Variants in CALN1 observed in about 807,000 individuals in gnomAD.
The protein encoded by CALN1 is calcium-binding protein 8.
Under a neutral mutation model 30.6 loss-of-function variants are expected in CALN1, and 17 were observed. That is an observed-to-expected ratio of 0.56 (90% confidence interval 0.38 to 0.83). The LOEUF (loss-of-function observed/expected upper bound fraction) is 0.83, where lower values mean the gene tolerates loss of function less well. Ranked by LOEUF, CALN1 falls within the 40% of genes least tolerant of loss-of-function variation. CALN1 has a pLI of 0.00. For missense variants in CALN1, 291 were observed against 354.9 expected, an observed-to-expected ratio of 0.82 and a Z score of 1.45; for synonymous variants, 156 against 131.4, an observed-to-expected ratio of 1.19 and a Z score of -1.28.
the CALN1 span, among the ~76,000 whole-genome samples, chr7:72,501,895 C>T: frequency 1.4e-3 from 141 of 98,546 alleles, no homozygotes; most frequent in Admixed American, 2.4e-3. Flanking sequence ...GGCAACAGAG[C>T]GAGATTTCGT....
rs1795344621 is a variant in CALN1, at chr7:71,927,846, T to C, written c.501+95811A>G. Among the ~76,000 whole-genome samples, 5 of 152,302 alleles carry C rather than the reference T, an allele frequency of 3.3e-5. No individual in the cohort carries two copies. In the South Asian group the frequency reaches 1.0e-3, roughly 32 times the overall value. ...TGTAGCAGCCAAATGATGTCTTGAA[T>C]CTTTGGTGGCCCTTGTGAACGGGAG... On this transcript the variant is annotated intron_variant, in intron 5 of 6. Coordinates refer to ENST00000395275, the MANE Select transcript of CALN1 (RefSeq NM_031468.4).
chr7:72,501,882 C>A, the CALN1 span, among the ~76,000 whole-genome samples: 3 of 123,666 alleles, frequency 2.4e-5, no homozygotes, highest in South Asian at 7.8e-4. Flanking sequence ...GCACTCCAGC[C>A]TGGGCAACAG....
chr7:72,067,746 C>G lies in CALN1; in HGVS notation c.388+38405G>C, dbSNP rs182777999. 2.3e-4 allele frequency among the ~76,000 whole-genome samples: 35 copies of G among 152,348 alleles called. No homozygotes were observed. In the East Asian group the frequency reaches 6.4e-3, roughly 28 times the overall value. On this transcript the variant is annotated intron_variant, in intron 4 of 6. Coordinates refer to ENST00000395275, the MANE Select transcript of CALN1 (RefSeq NM_031468.4). ...CTGATCCACCGAATGGCATGCCTCTCTCATGTACCTGGGCAGCGGCACTTG... is the reference window on the plus strand; with the variant it reads ...CTGATCCACCGAATGGCATGCCTCTGTCATGTACCTGGGCAGCGGCACTTG...
At chr7:72,235,265 C>T (rs181931145) in intron 3 of CALN1, among the ~76,000 whole-genome samples, 1 of 151,642 alleles carries the variant, frequency 6.6e-6, no homozygotes, top group Admixed American at 6.6e-5. Flanking sequence ...CACAGTGAGA[C>T]TCTGTCTCAA....
At chr7:71,937,405 T>C (rs1420629571) in intron 5 of CALN1, among the ~76,000 whole-genome samples, 2 of 146,234 alleles carry the variant, frequency 1.4e-5, no homozygotes, top group South Asian at 4.3e-4. Context: ...TATTTACATA[T>C]ACAGACACAT....
chr7:72,408,642 G>C (rs887309535), intron 1 of CALN1, among the ~76,000 whole-genome samples: 19 of 142,570 alleles, frequency 1.3e-4, no homozygotes, highest in African/African-American at 4.1e-4. Context: ...GTCATGAAAA[G>C]ACATACAAAT....
At chr7:72,101,850 T>C (rs1325329510) in intron 4 of CALN1, among the ~76,000 whole-genome samples, 4 of 152,158 alleles carry the variant, frequency 2.6e-5, no homozygotes, top group Non-Finnish European at 5.9e-5. Context: ...AGTCCTCTCG[T>C]GCCCGATGCC....
intron 3 of CALN1, among the ~76,000 whole-genome samples, chr7:72,254,783 G>C (rs1352326596): frequency 6.6e-6 from 1 of 151,890 alleles, no homozygotes; most frequent in African/African-American, 2.4e-5. Context: ...CCCCCGCTGA[G>C]ACAGAGTCTT....
At chr7:72,293,867 C>T (rs984987634) in intron 2 of CALN1, among the ~76,000 whole-genome samples, 2 of 152,102 alleles carry the variant, frequency 1.3e-5, no homozygotes, top group East Asian at 3.9e-4. Flanking sequence ...GAGGCCAAGG[C>T]AGGCAGATCA....
At chr7:72,379,095 A>C (rs1171482878) in intron 2 of CALN1, among the ~76,000 whole-genome samples, 1 of 152,150 alleles carries the variant, frequency 6.6e-6, no homozygotes, top group African/African-American at 2.4e-5. Context: ...TTCATTTGTC[A>C]AAATTTTGTA....
chr7:72,016,086 C>A (rs1054893518), intron 5 of CALN1, among the ~76,000 whole-genome samples: 6 of 151,726 alleles, frequency 4.0e-5, no homozygotes, highest in East Asian at 3.9e-4. Flanking sequence ...CCGTCTCTAA[C>A]AAAAACACAA....
At chr7:72,114,727 CT>C (rs1563071230) in intron 3 of CALN1, among the ~76,000 whole-genome samples, 1 of 151,756 alleles carries the variant, frequency 6.6e-6, no homozygotes, top group African/African-American at 2.4e-5. Context: ...GGCATGGCGG[CT>C]CATGCCTGTA....
chr7:72,358,963 C>CAAA (rs545772468), intron 2 of CALN1, among the ~76,000 whole-genome samples: 3 of 137,760 alleles, frequency 2.2e-5, no homozygotes, highest in African/African-American at 2.7e-5. Flanking sequence ...GACTCTACCT[C>CAAA]AAAAAAAAAA....
chr7:72,161,159 AACTC>A (rs1788081920), intron 3 of CALN1, among the ~76,000 whole-genome samples: 2 of 152,144 alleles, frequency 1.3e-5, no homozygotes, highest in African/African-American at 4.8e-5. Flanking sequence ...TAAACTAACT[AACTC>A]AATAAATAAG....
chr7:72,253,800 G>A (rs1233957188), intron 3 of CALN1, among the ~76,000 whole-genome samples: 1 of 152,186 alleles, frequency 6.6e-6, no homozygotes, highest in African/African-American at 2.4e-5. Context: ...GAGTGCAGTA[G>A]CGTGATCCCA....
At chr7:71,846,950 CATATATAATAT>C (rs1790298642) in intron 5 of CALN1, among the ~76,000 whole-genome samples, 1 of 141,436 alleles carries the variant, frequency 7.1e-6, no homozygotes, top group Non-Finnish European at 1.5e-5. Flanking sequence ...TGTATATATA[CATATATAATAT>C]ATACACACAT....
chr7:72,148,523 C>G (rs1388402027), intron 3 of CALN1, among the ~76,000 whole-genome samples: 2 of 152,138 alleles, frequency 1.3e-5, no homozygotes, highest in Non-Finnish European at 2.9e-5. Flanking sequence ...TGCTTGAGCC[C>G]AGGAGTTTGG....
At chr7:72,312,189 A>T (rs1313420067) in intron 2 of CALN1, among the ~76,000 whole-genome samples, 1 of 152,080 alleles carries the variant, frequency 6.6e-6, no homozygotes, top group African/African-American at 2.4e-5. Context: ...GTATCACTTG[A>T]TGTCAGGAGT....
intron 3 of CALN1, among the ~76,000 whole-genome samples, chr7:72,144,647 C>T (rs541660469): frequency 6.5e-4 from 99 of 152,292 alleles, no homozygotes; most frequent in African/African-American, 2.1e-3. Context: ...CAGAACTCTC[C>T]ACCCAAAATC....
Sources: gnomAD v4.1 joint callset for allele counts (sites outside exome capture counted in the v4.1 genomes callset) on GRCh38, gnomAD v4.1.1 for gene constraint, MANE v1.5 for transcripts, NCBI Gene and HGNC (gene_info 2026-07-23, HGNC 2026-07-21) for gene names.